Variants in TAS1R1 observed in about 807,000 individuals in gnomAD.
TAS1R1 encodes the protein taste receptor type 1 member 1.
Under a neutral mutation model 45.8 loss-of-function variants are expected in TAS1R1, and 31 were observed. The ratio of observed to expected loss-of-function variants is 0.68; its 90% confidence interval spans 0.51 to 0.91. The LOEUF is 0.91. Among genes scored for constraint, TAS1R1 ranks in the 40% least tolerant of loss-of-function variants. TAS1R1 has a pLI of 0.00. For synonymous variants in TAS1R1, 437 were observed against 448.4 expected, an observed-to-expected ratio of 0.97 and a Z score of 0.32; for missense variants, 1,051 against 1,063.9, an observed-to-expected ratio of 0.99 and a Z score of 0.17.
At position 6,555,866 on chromosome 1, in the gene TAS1R1, C is replaced by CTTTTTTTTTTTTTT. The variant is rs770363613; in HGVS notation, c.191+312_191+325dup. ...AAGCAAGGGCAGCTTTTTCCCTCTT[C>CTTTTTTTTTTTTTT]TTTTTTTTTTTTTTTTTTTTTTTGA... On this transcript the variant is annotated intron_variant, in intron 1 of 5. Coordinates refer to ENST00000333172, the MANE Select transcript of TAS1R1 (RefSeq NM_138697.4). 1.8e-4 allele frequency among the ~76,000 whole-genome samples: 17 copies of CTTTTTTTTTTTTTT among 95,302 alleles called. 3 individuals carry two copies. The highest frequency in any genetic ancestry group is 2.1e-4 in the African/African-American group (6 of 27,920). The allele number at this position is 95,302 out of a possible 152,430, so 62.5% of individuals were successfully genotyped here. A position where few individuals can be genotyped will look rare whatever the true frequency, so the allele number is the denominator to read the frequency against.
intron 1 of TAS1R1, among the ~76,000 whole-genome samples, chr1:6,561,631 C>T (rs1359997460): frequency 6.6e-6 from 1 of 152,070 alleles, no homozygotes; most frequent in Non-Finnish European, 1.5e-5. Context: ...AGGAGAATAG[C>T]CTGAATCTGG....
At chr1:6,559,856 G>A (rs1220560660) in intron 1 of TAS1R1, among the ~76,000 whole-genome samples, 1 of 151,554 alleles carries the variant, frequency 6.6e-6, no homozygotes, top group Non-Finnish European at 1.5e-5. Context: ...TGGACGTGTG[G>A]GTGCACCCCT....
chr1:6,558,198 C>T (rs770735569), intron 1 of TAS1R1, among the ~76,000 whole-genome samples: 4 of 151,846 alleles, frequency 2.6e-5, no homozygotes, highest in South Asian at 4.2e-4. Flanking sequence ...CACCACTTAC[C>T]GCTAATTTTT....
Position 6,574,795 on chromosome 1 carries a change from G to C in TAS1R1, c.663G>C (p.Gly221=). 2.5e-6 allele frequency: 4 copies of C among 1,614,270 alleles called. No individual in the cohort carries two copies. Among genetic ancestry groups the C allele is most frequent in the Non-Finnish European group, 3.4e-6 (4 of 1,180,050 alleles). Residue 221 remains glycine, a synonymous_variant, in exon 3 of 6, where the codon GGG becomes GGC. Transcript: ENST00000333172. The surrounding 1 kb of genome is among the most constrained non-coding windows in gnomAD (Gnocchi z 4.3). ...TGGTTGGCAGCAGTGACGACTATGG[G>C]CAGCTAGGGGTGCAGGCACTGGAGA... ...ISLVGSSDDY[G]QLGVQALENQ...
chr1:6,573,596 C>T (rs1031451134), intron 2 of TAS1R1, among the ~76,000 whole-genome samples: 1 of 152,014 alleles, frequency 6.6e-6, no homozygotes, highest in African/African-American at 2.4e-5. Context: ...TTTCTAAGGA[C>T]GGGTGTGTGA....
rs761595154 is a variant in TAS1R1 at position 6,571,195 on chromosome 1, A to C, written c.478A>C (p.Ser160Arg). 1 of 1,573,508 alleles carries C rather than the reference A, an allele frequency of 6.4e-7. No homozygotes were observed. Among genetic ancestry groups the C allele is most frequent in the Non-Finnish European group, 8.6e-7 (1 of 1,159,102 alleles). The change falls in exon 2 of 6, where the codon AGC (serine) becomes CGC (arginine). Residue 160 changes from serine (S) to arginine (R), a missense_variant. Ser to Arg is a moderately radical substitution (Grantham distance 110). Coordinates refer to ENST00000333172, the MANE Select transcript of TAS1R1 (RefSeq NM_138697.4). ...TGCTGCCACCACAGCCGCCCTGCTG[A>C]GCCCTTTCCTGGTGCCCATGGTAAG... Reference protein sequence around the residue: ...NRAATTAALLSPFLVPMISYA... With the variant: ...NRAATTAALLRPFLVPMISYA...
Position 6,579,447 on chromosome 1 carries a change from C to G in TAS1R1, c.2389C>G (p.Leu797Val). 1.2e-6 allele frequency: 2 copies of G among 1,614,074 alleles called. No individual in the cohort carries two copies. Among genetic ancestry groups the G allele is most frequent in the Non-Finnish European group, 1.7e-6 (2 of 1,180,052 alleles). ...YLPAANMMAG[L>V]SSLSSGFGGY... ...GCCTGCGGCCAACATGATGGCTGGGCTGAGCAGCCTGAGCAGCGGCTTCGG... is the reference window on the plus strand; with the variant it reads ...GCCTGCGGCCAACATGATGGCTGGGGTGAGCAGCCTGAGCAGCGGCTTCGG... The change falls in exon 6 of 6, where the codon CTG becomes GTG. Residue 797 changes from leucine (L) to valine (V), a missense_variant. Physicochemically the swap from Leu to Val is conservative, Grantham distance 32. Coordinates refer to ENST00000333172, the MANE Select transcript of TAS1R1 (RefSeq NM_138697.4).
At position 6,571,169 on chromosome 1, in the gene TAS1R1, G is replaced by A. The variant is rs776804403; in HGVS notation, c.452G>A (p.Arg151His). 9.4e-6 allele frequency: 15 copies of A among 1,600,484 alleles called. No homozygotes were observed. Among genetic ancestry groups the A allele is most frequent in the Admixed American group, 5.1e-5 (3 of 58,870 alleles). ...LAVIGPDSTN[R>H]AATTAALLSP... ...GTGATTGGGCCTGACAGCACCAACC[G>A]TGCTGCCACCACAGCCGCCCTGCTG... Residue 151 changes from arginine to histidine, a missense_variant, in exon 2 of 6, where the codon CGT becomes CAT. Coordinates refer to ENST00000333172, the MANE Select transcript of TAS1R1 (RefSeq NM_138697.4).
rs1273673865 is a variant in TAS1R1, at chr1:6,578,695, C to G, written c.1637C>G (p.Pro546Arg). Residue 546 changes from proline (P) to arginine (R), a missense_variant, in exon 6 of 6, where the codon CCT becomes CGT. Pro to Arg is a moderately radical substitution (Grantham distance 103). Transcript: ENST00000333172. The stretch of plus-strand genomic sequence containing the variant: ...CCTTGTGGGAAAGAAGAGTGGGCAC[C>G]TGAGGGAAGCCAGACCTGCTTCCCG... ...CQPCGKEEWA[P>R]EGSQTCFPRT... The G allele has an allele frequency of 3.2e-5, 51 of 1,601,802 alleles. No homozygotes were observed. Among genetic ancestry groups the G allele is most frequent in the Non-Finnish European group, 4.2e-5 (49 of 1,172,434 alleles).
chr1:6,575,469 T>A, intron 3 of TAS1R1, 77 bp downstream of exon 3: 1 of 1,429,776 alleles, frequency 7.0e-7, no homozygotes. Flanking sequence ...CACTCTCCGG[T>A]CACTCTAAAT....
chr1:6,562,699 C>T (rs941140661), intron 1 of TAS1R1, among the ~76,000 whole-genome samples: 1 of 152,112 alleles, frequency 6.6e-6, no homozygotes, highest in Non-Finnish European at 1.5e-5. Flanking sequence ...GATTGGTAAA[C>T]TCTGATTTCC....
Position 6,566,299 on chromosome 1 carries a change from G to A in TAS1R1, c.192-4610G>A, listed in dbSNP as rs1639870908. The stretch of plus-strand genomic sequence containing the variant: ...GAGGTTTTGGGAATCAGGATGTAGG[G>A]AAATAGTAAAGAAGTCATCTTTTAG... On this transcript the variant is annotated intron_variant, in intron 1 of 5. Transcript: ENST00000333172. Among the ~76,000 whole-genome samples the A allele has an allele frequency of 2.0e-5, 3 of 152,274 alleles. No homozygotes were observed. In the East Asian group the frequency reaches 5.8e-4, roughly 29 times the overall value.
intron 1 of TAS1R1, among the ~76,000 whole-genome samples, chr1:6,562,911 T>C (rs1338102196): frequency 1.3e-5 from 2 of 152,186 alleles, no homozygotes; most frequent in East Asian, 3.8e-4. Flanking sequence ...CTAAGGCGGC[T>C]CCAGTGAGTG....
chr1:6,570,974 TAAAC>T lies in TAS1R1; in HGVS notation c.260_263del (p.Asn87ThrfsTer29), dbSNP rs1639995981. The stretch of plus-strand genomic sequence containing the variant: ...GCTATGCGGCTTGGGGTTGAGGAGA[TAAAC>T]AACTCCACGGCCCTGCTGCCCAACA... On this transcript the variant is annotated frameshift_variant, in exon 2 of 6. Coordinates refer to ENST00000333172, the MANE Select transcript of TAS1R1 (RefSeq NM_138697.4). LOFTEE classifies it high-confidence loss of function. The T allele has an allele frequency of 2.5e-6, 4 of 1,613,880 alleles. No individual in the cohort carries two copies. Among genetic ancestry groups the T allele is most frequent in the African/African-American group, 1.3e-5 (1 of 74,928 alleles).
At chr1:6,569,065 G>A (rs765793806) in intron 1 of TAS1R1, among the ~76,000 whole-genome samples, 25 of 151,786 alleles carry the variant, frequency 1.6e-4, no homozygotes, top group Non-Finnish European at 3.1e-4. Flanking sequence ...GAATGGGTAA[G>A]GGGTAGAGAC....
Position 6,574,017 on chromosome 1 carries a change from T to C in TAS1R1, c.499-614T>C, listed in dbSNP as rs1252864275. ...ACAACTCACCATAATGTAGAATCAG[T>C]GGGAGCCCTGAGCTTGTTTTCCTAC... On this transcript the variant is annotated intron_variant, in intron 2 of 5. Transcript: ENST00000333172. The surrounding 1 kb of genome is among the most constrained non-coding windows in gnomAD (Gnocchi z 4.3). 6.6e-6 allele frequency among the ~76,000 whole-genome samples: 1 copy of C among 152,118 alleles called. No individual in the cohort carries two copies. Among genetic ancestry groups the C allele is most frequent in the Non-Finnish European group, 1.5e-5 (1 of 68,018 alleles).
rs1381355437 is a variant in TAS1R1, at chr1:6,575,196, G to T, written c.1064G>T (p.Gly355Val). 1 of 1,610,894 alleles carries T rather than the reference G, an allele frequency of 6.2e-7. No individual in the cohort carries two copies. The highest frequency in any genetic ancestry group is 1.3e-5 in the African/African-American group (1 of 74,856). ...AAGGCCCCTAGGCCTTGCCACAAGGGCTCCTGGTGCAGCAGCAATCAGCTC... is the reference window on the plus strand; with the variant it reads ...AAGGCCCCTAGGCCTTGCCACAAGGTCTCCTGGTGCAGCAGCAATCAGCTC... ...DKKAPRPCHK[G>V]SWCSSNQLCR... The change falls in exon 3 of 6, where the codon GGC becomes GTC. Residue 355 changes from glycine (G) to valine (V), a missense_variant. Physicochemically the swap from Gly to Val is moderately radical, Grantham distance 109. Transcript: ENST00000333172.
At chr1:6,578,421 T>G (rs1484912634) in intron 5 of TAS1R1, among the ~76,000 whole-genome samples, 1 of 152,156 alleles carries the variant, frequency 6.6e-6, no homozygotes, top group Admixed American at 6.5e-5. Context: ...AAAACCCTCA[T>G]GGGATCATGA....
chr1:6,567,596 G>C (rs1425992537), intron 1 of TAS1R1, among the ~76,000 whole-genome samples: 1 of 150,760 alleles, frequency 6.6e-6, no homozygotes, highest in East Asian at 1.9e-4. Context: ...CGGCTTACCT[G>C]ATACTAGCAG....
Sources: allele counts gnomAD v4.1 joint callset (sites outside exome capture counted in the v4.1 genomes callset), GRCh38; gene constraint gnomAD v4.1.1; non-coding constraint Gnocchi (gnomAD v3.1); transcripts MANE v1.5; gene names NCBI Gene and HGNC (gene_info 2026-07-23, HGNC 2026-07-21).